The following SAMD12 variants were observed in gnomAD, a reference collection of about 807,000 sequenced individuals.
The protein encoded by SAMD12 is sterile alpha motif domain containing 12.
SAMD12 carries 9 observed loss-of-function variants against 15.0 expected under a neutral mutation model. The observed-to-expected ratio is 0.60, with a 90% CI of 0.36 to 1.05. The LOEUF (loss-of-function observed/expected upper bound fraction) is 1.05. SAMD12 is among the 50% of genes least tolerant of loss of function. SAMD12 has a pLI of 0.01. For missense variants in SAMD12, 230 were observed against 234.2 expected (o/e 0.98, Z 0.12); for synonymous variants, 86 against 90.1 (o/e 0.96, Z 0.25).
intron 2 of SAMD12, among the ~76,000 whole-genome samples, chr8:118,492,804 A>C (rs1378229232): frequency 6.6e-6 from 1 of 152,220 alleles, no homozygotes; most frequent in Non-Finnish European, 1.5e-5. Context: ...AAATTACGAT[A>C]TATAAACCAT....
At chr8:118,312,018 C>T (rs1405740685) in intron 4 of SAMD12, among the ~76,000 whole-genome samples, 1 of 152,142 alleles carries the variant, frequency 6.6e-6, no homozygotes, top group African/African-American at 2.4e-5. Context: ...CATATTTGGG[C>T]TTGACATCAG....
intron 4 of SAMD12, among the ~76,000 whole-genome samples, chr8:118,296,199 C>A (rs1814702041): frequency 6.6e-6 from 1 of 152,144 alleles, no homozygotes; most frequent in Non-Finnish European, 1.5e-5. Flanking sequence ...GCCAGTGGGA[C>A]CATCACAAAA....
At chr8:118,592,867 TAAAAAC>T (rs543063840) in intron 1 of SAMD12, among the ~76,000 whole-genome samples, 6 of 151,982 alleles carry the variant, frequency 3.9e-5, no homozygotes, top group African/African-American at 1.2e-4. Flanking sequence ...GTTCTGGAAA[TAAAAAC>T]AAAAAAGAAT....
Position 118,549,368 on chromosome 8 carries a change from T to C in SAMD12, c.192+31347A>G, listed in dbSNP as rs181297617. 5.0e-3 allele frequency among the ~76,000 whole-genome samples: 765 copies of C among 152,314 alleles called. 6 individuals are homozygous for C. The highest frequency in any genetic ancestry group is 0.015 in the African/African-American group (644 of 41,574). ...AAATATCAGACAGCAGCATTCGTGG[T>C]TCACGAAAAACCACTGTTCTGCAGA... On this transcript the variant is annotated intron_variant, in intron 2 of 3. Coordinates refer to ENST00000314727, the MANE Select transcript of SAMD12 (RefSeq NM_207506.3).
the SAMD12 span, among the ~76,000 whole-genome samples, chr8:118,180,925 G>A: frequency 1.3e-5 from 2 of 152,142 alleles, no homozygotes; most frequent in African/African-American, 2.4e-5. Flanking sequence ...TAGAGCCTCC[G>A]CTGTCAGCCT....
chr8:118,511,384 T>A (rs1825075190), intron 2 of SAMD12, among the ~76,000 whole-genome samples: 1 of 152,202 alleles, frequency 6.6e-6, no homozygotes, highest in Admixed American at 6.5e-5. Flanking sequence ...GGTATTATTT[T>A]AGGCAACATA....
intron 1 of SAMD12, among the ~76,000 whole-genome samples, chr8:118,585,575 T>C (rs1247402867): frequency 1.3e-5 from 2 of 152,252 alleles, no homozygotes; most frequent in African/African-American, 4.8e-5. Context: ...GTTTGAGAGT[T>C]TATTTATGAA....
chr8:118,398,298 T>C (rs7828833), intron 3 of SAMD12, among the ~76,000 whole-genome samples: 107,460 of 152,052 alleles, frequency 0.71, 39,164 homozygotes, highest in African/African-American at 0.85. Flanking sequence ...ACTAGGAAGG[T>C]TGAGGCAGGA....
chr8:118,567,421 A>G (rs1038507308), intron 2 of SAMD12, among the ~76,000 whole-genome samples: 2 of 152,164 alleles, frequency 1.3e-5, no homozygotes, highest in Non-Finnish European at 2.9e-5. Flanking sequence ...CACCCAGGCA[A>G]TGTGTAGGGT....
chr8:118,352,684 A>G (rs75590175), intron 4 of SAMD12, among the ~76,000 whole-genome samples: 1 of 152,344 alleles, frequency 6.6e-6, no homozygotes, highest in African/African-American at 2.4e-5. Context: ...AAAACGATCA[A>G]TAGGAAATCA....
chr8:118,152,305 A>G, the SAMD12 span, among the ~76,000 whole-genome samples: 3 of 152,232 alleles, frequency 2.0e-5, no homozygotes, highest in Non-Finnish European at 4.4e-5. Context: ...CCCACCAAAA[A>G]GTAAAACATT....
chr8:118,216,383 T>C (rs1177820574), intron 4 of SAMD12, among the ~76,000 whole-genome samples: 1 of 151,800 alleles, frequency 6.6e-6, no homozygotes, highest in Non-Finnish European at 1.5e-5. Flanking sequence ...ATGAGTAGGT[T>C]GCGAAAATTT....
chr8:118,462,199 A>C (rs761567674), intron 2 of SAMD12, among the ~76,000 whole-genome samples: 1 of 152,126 alleles, frequency 6.6e-6, no homozygotes, highest in Non-Finnish European at 1.5e-5. Context: ...TGCACATCTG[A>C]TTATATGATT....
intron 4 of SAMD12, among the ~76,000 whole-genome samples, chr8:118,206,948 G>T (rs2129798670): frequency 6.6e-6 from 1 of 152,268 alleles, no homozygotes; most frequent in East Asian, 1.9e-4. Flanking sequence ...ACTATCAAAG[G>T]TGCTCCTGAA....
chr8:118,173,757 A>G, the SAMD12 span, among the ~76,000 whole-genome samples: 1 of 150,936 alleles, frequency 6.6e-6, no homozygotes, highest in Admixed American at 6.6e-5. Flanking sequence ...AGCTTCCCGC[A>G]TAGCTGGGAC....
intron 1 of SAMD12, among the ~76,000 whole-genome samples, chr8:118,603,744 G>A (rs1827921001): frequency 1.3e-5 from 2 of 152,178 alleles, no homozygotes; most frequent in Non-Finnish European, 1.5e-5. Context: ...CAGCTATGGA[G>A]CAAGTCAAGA....
At position 118,558,195 on chromosome 8, in the gene SAMD12, T is replaced by C. The variant is rs137891968; in HGVS notation, c.192+22520A>G. Among the ~76,000 whole-genome samples the C allele has an allele frequency of 3.9e-3, 598 of 152,338 alleles. 6 individuals are homozygous for C. Among genetic ancestry groups the C allele is most frequent in the African/African-American group, 0.014 (572 of 41,586 alleles). On this transcript the variant is annotated intron_variant, in intron 2 of 3. Transcript: ENST00000314727. The stretch of plus-strand genomic sequence containing the variant: ...GTCACCTGAAACTTTTTGCCTTGTA[T>C]GCACAAGAAGAATGTATATTTTTTA...
intron 4 of SAMD12, among the ~76,000 whole-genome samples, chr8:118,218,247 TC>T (rs1330677074): frequency 1.3e-5 from 2 of 152,192 alleles, no homozygotes; most frequent in Non-Finnish European, 1.5e-5. Context: ...ACTATTATTT[TC>T]CATTTTTATT....
chr8:118,164,975 ATGTGTGTGTGTG>A, the SAMD12 span, among the ~76,000 whole-genome samples: 21 of 144,224 alleles, frequency 1.5e-4, no homozygotes, highest in East Asian at 3.9e-3. Flanking sequence ...CTGACACTAG[ATGTGTGTGTGTG>A]TGTGTGTGTG....
Sources: gnomAD v4.1 joint callset for allele counts (sites outside exome capture counted in the v4.1 genomes callset) on GRCh38, gnomAD v4.1.1 for gene constraint, MANE v1.5 for transcripts, NCBI Gene and HGNC (gene_info 2026-07-23, HGNC 2026-07-21) for gene names.